RALYL: variants seen among roughly 807,000 people sequenced by gnomAD.
RALYL encodes the protein RNA-binding Raly-like protein.
RALYL carries 29 observed loss-of-function variants against 35.1 expected under a neutral mutation model. That is an observed-to-expected ratio of 0.83 (90% CI 0.61 to 1.13). RALYL has a LOEUF of 1.13. Among genes scored for constraint, RALYL ranks in the 50% most tolerant of loss-of-function variants. The pLI is 0.00. For synonymous variants in RALYL, 120 were observed against 127.6 expected (o/e 0.94, Z 0.40); for missense variants, 359 against 360.4 (o/e 1.00, Z 0.03).
intron 1 of RALYL, among the ~76,000 whole-genome samples, chr8:84,209,855 A>G (rs1239512955): frequency 6.6e-6 from 1 of 152,188 alleles, no homozygotes; most frequent in Non-Finnish European, 1.5e-5. Context: ...GTGTGTTCCA[A>G]TACAATGACT....
At chr8:84,647,811 G>A (rs1220150775) in intron 2 of RALYL, among the ~76,000 whole-genome samples, 1 of 152,076 alleles carries the variant, frequency 6.6e-6, no homozygotes, top group Non-Finnish European at 1.5e-5. Context: ...CTGGAGAGAT[G>A]TTCAGAATTT....
At chr8:84,660,777 G>A (rs1830752059) in intron 2 of RALYL, among the ~76,000 whole-genome samples, 1 of 151,938 alleles carries the variant, frequency 6.6e-6, no homozygotes, top group Admixed American at 6.6e-5. Flanking sequence ...AAGTTATATT[G>A]AGACTATTGA....
At chr8:84,187,704 G>A (rs1168184440) in intron 1 of RALYL, among the ~76,000 whole-genome samples, 2 of 152,036 alleles carry the variant, frequency 1.3e-5, no homozygotes, top group Non-Finnish European at 2.9e-5. Flanking sequence ...AATTTGATAT[G>A]CTAAAATTTT....
rs530939675 is a variant in RALYL at position 84,770,188 on chromosome 8, T to C, written c.257-4391T>C. Among the ~76,000 whole-genome samples the C allele has an allele frequency of 1.2e-3, 190 of 152,260 alleles. 1 individual carries two copies. Among genetic ancestry groups the C allele is most frequent in the African/African-American group, 3.6e-3 (148 of 41,556 alleles). ...AAACCCAATTTTTAGTCTTTTACCC[T>C]TCACCCCCTCCCACCTTTTCCCCCG... On this transcript the variant is annotated intron_variant, in intron 2 of 8. Transcript: ENST00000521268.
At chr8:84,494,910 C>T (rs1297872330) in intron 1 of RALYL, among the ~76,000 whole-genome samples, 1 of 151,980 alleles carries the variant, frequency 6.6e-6, no homozygotes, top group Non-Finnish European at 1.5e-5. Flanking sequence ...GACTGATTGC[C>T]CTGGCCAGAA....
intron 2 of RALYL, among the ~76,000 whole-genome samples, chr8:84,574,279 C>T (rs1808777584): frequency 6.6e-6 from 1 of 151,986 alleles, no homozygotes; most frequent in Non-Finnish European, 1.5e-5. Context: ...GATATATTTC[C>T]AGTCCTTTGT....
intron 1 of RALYL, among the ~76,000 whole-genome samples, chr8:84,346,444 G>T (rs750748553): frequency 6.6e-6 from 1 of 152,106 alleles, no homozygotes; most frequent in African/African-American, 2.4e-5. Flanking sequence ...TATGCTAGTT[G>T]TAGGAAAGAT....
chr8:84,240,070 A>G (rs1394557438), intron 1 of RALYL, among the ~76,000 whole-genome samples: 4 of 152,194 alleles, frequency 2.6e-5, no homozygotes, highest in Non-Finnish European at 5.9e-5. Flanking sequence ...CAGTGATAGC[A>G]ATGACTAAAT....
chr8:84,766,392 G>A (rs905881095), intron 2 of RALYL, among the ~76,000 whole-genome samples: 6 of 151,670 alleles, frequency 4.0e-5, no homozygotes, highest in South Asian at 2.1e-4. Context: ...TTTGTTTCAC[G>A]ATACCTAATA....
chr8:84,549,883 T>C lies in RALYL; in HGVS notation c.256+20306T>C, dbSNP rs144410680. ...AAACTCCTCAACCTTGTCACCAATA[T>C]TTGTTGTATATATTGGATTTGGATT... On this transcript the variant is annotated intron_variant, in intron 2 of 8. Transcript: ENST00000521268. Among the ~76,000 whole-genome samples the C allele has an allele frequency of 7.2e-5, 11 of 152,312 alleles. No individual in the cohort carries two copies. In the East Asian group the frequency reaches 2.1e-3, roughly 29 times the overall value.
chr8:84,761,276 A>G (rs1329299151), intron 2 of RALYL, among the ~76,000 whole-genome samples: 1 of 147,898 alleles, frequency 6.8e-6, no homozygotes, highest in Admixed American at 6.7e-5. Context: ...TGTATGAAAA[A>G]TTAGAAATAA....
intron 1 of RALYL, among the ~76,000 whole-genome samples, chr8:84,295,598 C>A (rs1362835992): frequency 2.0e-5 from 3 of 152,110 alleles, no homozygotes; most frequent in African/African-American, 7.2e-5. Context: ...CCCACCCAGC[C>A]TGAAGTGTGG....
chr8:84,426,177 A>G (rs903228781), intron 1 of RALYL, among the ~76,000 whole-genome samples: 2 of 152,290 alleles, frequency 1.3e-5, no homozygotes, highest in South Asian at 4.1e-4. Context: ...TACTGCAGTG[A>G]AGCAAGTTAA....
chr8:84,890,783 C>A lies in RALYL; in HGVS notation c.858+3007C>A, dbSNP rs373070254. Among the ~76,000 whole-genome samples the A allele has an allele frequency of 2.9e-4, 41 of 141,926 alleles. No individual in the cohort carries two copies. The South Asian group carries it at 4.6e-3, about 16-fold the overall frequency. 93.1% of individuals were successfully genotyped at this position (141,926 alleles called of 152,430 possible). ...AAGAAAGCAAACATGTTCAAAGTTGCATTTTTGTCAGATAGTGCAAAAAAA... is the reference window on the plus strand; with the variant it reads ...AAGAAAGCAAACATGTTCAAAGTTGAATTTTTGTCAGATAGTGCAAAAAAA... On this transcript the variant is annotated intron_variant, in intron 8 of 8. Transcript: ENST00000521268.
intron 4 of RALYL, among the ~76,000 whole-genome samples, chr8:84,846,269 A>G (rs1322102736): frequency 1.3e-5 from 2 of 152,222 alleles, no homozygotes; most frequent in African/African-American, 4.8e-5. Context: ...CTTCCAATCC[A>G]TGAACAAGGA....
intron 4 of RALYL, among the ~76,000 whole-genome samples, chr8:84,816,324 A>C (rs577882764): frequency 2.6e-5 from 4 of 152,310 alleles, no homozygotes; most frequent in African/African-American, 9.6e-5. Flanking sequence ...GCACCAAAGG[A>C]AACTTTCCAC....
rs1830724804 is a variant in RALYL, at chr8:84,830,687, AT to A, written c.366-19292del. On this transcript the variant is annotated intron_variant, in intron 4 of 8. Coordinates refer to ENST00000521268, the MANE Select transcript of RALYL (RefSeq NM_173848.7). The stretch of plus-strand genomic sequence containing the variant: ...GACCTAACCAAACAAAAAAGAATTA[AT>A]GAGGAAAAAAAATGGAAGTTCACAA... 1.1e-4 allele frequency among the ~76,000 whole-genome samples: 16 copies of A among 152,326 alleles called. No individual in the cohort carries two copies. The South Asian group carries it at 3.3e-3, about 32-fold the overall frequency.
intron 1 of RALYL, among the ~76,000 whole-genome samples, chr8:84,422,711 C>G (rs1444721414): frequency 7.1e-6 from 1 of 141,602 alleles, no homozygotes; most frequent in African/African-American, 2.7e-5. Flanking sequence ...CCTCTACACA[C>G]TGCTTTGAAT....
chr8:84,839,139 C>A (rs748654479), intron 4 of RALYL, among the ~76,000 whole-genome samples: 3 of 152,116 alleles, frequency 2.0e-5, no homozygotes, highest in Non-Finnish European at 4.4e-5. Flanking sequence ...GTGAGTGCAG[C>A]GCACTGAGTG....
Sources: gnomAD v4.1 joint callset for allele counts (sites outside exome capture counted in the v4.1 genomes callset) on GRCh38, gnomAD v4.1.1 for gene constraint, MANE v1.5 for transcripts, NCBI Gene and HGNC (gene_info 2026-07-23, HGNC 2026-07-21) for gene names.